RAB3GAP1: variants seen among roughly 807,000 people sequenced by gnomAD.
RAB3GAP1 encodes rab3 GTPase-activating protein catalytic subunit.
RAB3GAP1 carries 86 observed loss-of-function variants against 130.7 expected under a neutral mutation model. The observed-to-expected ratio is 0.66, with a 90% CI of 0.55 to 0.79. The LOEUF (loss-of-function observed/expected upper bound fraction) is 0.79. Among genes scored for constraint, RAB3GAP1 ranks in the 30% least tolerant of loss-of-function variants. RAB3GAP1 has a pLI of 0.00. For synonymous variants in RAB3GAP1, 367 were observed against 401.7 expected (o/e 0.91, Z 1.03); for missense variants, 1,029 against 1,169.4 (o/e 0.88, Z 1.75).
chr2:135,079,989 C>T (rs1574089965), intron 3 of RAB3GAP1, among the ~76,000 whole-genome samples: 3 of 151,728 alleles, frequency 2.0e-5, no homozygotes, highest in East Asian at 1.9e-4. Context: ...CAGTGGCGGG[C>T]GCCTGTAGTC....
rs769599113 is a variant in RAB3GAP1 at position 135,153,682 on chromosome 2, G to A, written c.2095G>A (p.Val699Met). 6.2e-7 allele frequency: 1 copy of A among 1,613,954 alleles called. No individual in the cohort carries two copies. The highest frequency in any genetic ancestry group is 8.5e-7 in the Non-Finnish European group (1 of 1,179,918). Residue 699 changes from valine (V) to methionine (M), a missense_variant, in exon 19 of 24, where the codon GTG becomes ATG. Physicochemically the swap from Val to Met is conservative, Grantham distance 21 (BLOSUM62 1). Transcript: ENST00000264158. Reference sequence around the variant, plus strand: ...TCCAGGTTGCTCCCTGGAAGATTTTGTGAGGTGGTATTCACCCCGGGATTA... The same window carrying A: ...TCCAGGTTGCTCCCTGGAAGATTTTATGAGGTGGTATTCACCCCGGGATTA... ...ANPGCSLEDF[V>M]RWYSPRDYIE...
intron 13 of RAB3GAP1, 30 bp downstream of exon 13, chr2:135,130,751 A>G (rs747121569): frequency 3.2e-6 from 5 of 1,576,318 alleles, no homozygotes; most frequent in Non-Finnish European, 3.5e-6. Flanking sequence ...TTATAGGTCT[A>G]TATGCAGAAT....
chr2:135,165,918 G>A (rs528032686), intron 23 of RAB3GAP1, among the ~76,000 whole-genome samples: 250 of 152,204 alleles, frequency 1.6e-3, no homozygotes, highest in African/African-American at 5.9e-3. Context: ...GGTGGCTCAC[G>A]CCTGTAACTT....
At chr2:135,097,280 A>C (rs896147417) in intron 5 of RAB3GAP1, among the ~76,000 whole-genome samples, 9 of 151,368 alleles carry the variant, frequency 5.9e-5, no homozygotes, top group African/African-American at 2.2e-4. Context: ...ACATTGATGC[A>C]ATCATGGGTA....
At chr2:135,116,526 A>ACT (rs1462984252) in intron 7 of RAB3GAP1, among the ~76,000 whole-genome samples, 41 of 152,304 alleles carry the variant, frequency 2.7e-4, no homozygotes, top group Middle Eastern at 3.4e-3. Flanking sequence ...TCTTGATTGG[A>ACT]TCCTTTTTCA....
At chr2:135,127,105 G>C (rs895272023) in intron 11 of RAB3GAP1, among the ~76,000 whole-genome samples, 10 of 151,526 alleles carry the variant, frequency 6.6e-5, no homozygotes, top group Non-Finnish European at 1.0e-4. Flanking sequence ...TTGATCTCCT[G>C]ACCTCGTGAT....
chr2:135,138,565 G>A (rs1319339983), intron 17 of RAB3GAP1, among the ~76,000 whole-genome samples: 1 of 151,372 alleles, frequency 6.6e-6, no homozygotes, highest in African/African-American at 2.4e-5. Context: ...CTGCATTGAT[G>A]TATAATACAT....
Position 135,162,629 on chromosome 2 carries a change from T to C in RAB3GAP1, c.2364T>C (p.Ala788=). Residue 788 remains alanine (A), a synonymous_variant, in exon 20 of 24, where the codon GCT becomes GCC. Coordinates refer to ENST00000264158, the MANE Select transcript of RAB3GAP1 (RefSeq NM_012233.3). ...RHLLPCVIHA[A]VLKVKEEESL... is the part of the protein sequence containing the mutation. The stretch of plus-strand genomic sequence containing the variant: ...TGTTACCTTGTGTGATTCATGCAGC[T>C]GTACTCAAGGTAAAGGAAGAAGGTA... 1 of 1,614,096 alleles carries C rather than the reference T, an allele frequency of 6.2e-7. No individual in the cohort carries two copies. Among genetic ancestry groups the C allele is most frequent in the African/African-American group, 1.3e-5 (1 of 75,080 alleles).
intron 17 of RAB3GAP1, among the ~76,000 whole-genome samples, chr2:135,143,109 A>C (rs1402868252): frequency 6.6e-6 from 1 of 152,024 alleles, no homozygotes; most frequent in Non-Finnish European, 1.5e-5. Context: ...TTACTTTTAA[A>C]TTAGATTTCT....
chr2:135,086,037 T>G (rs925394867), intron 3 of RAB3GAP1, among the ~76,000 whole-genome samples: 1 of 152,194 alleles, frequency 6.6e-6, no homozygotes, highest in African/African-American at 2.4e-5. Context: ...CGTATCTAAC[T>G]TTTTTGCTGA....
chr2:135,146,711 GCATT>G (rs1692003971), intron 17 of RAB3GAP1, among the ~76,000 whole-genome samples: 1 of 151,958 alleles, frequency 6.6e-6, no homozygotes, highest in African/African-American at 2.4e-5. Flanking sequence ...ATTAATTTGC[GCATT>G]CTAGAATTTT....
chr2:135,144,978 G>A (rs1200311500), intron 17 of RAB3GAP1, among the ~76,000 whole-genome samples: 2 of 152,166 alleles, frequency 1.3e-5, no homozygotes, highest in East Asian at 1.9e-4. Context: ...TTTAGAAAAT[G>A]TGCTATTGTA....
chr2:135,153,802 GC>G lies in RAB3GAP1; in HGVS notation c.2217del (p.Trp740GlyfsTer45), dbSNP rs1465899636. On this transcript the variant is annotated frameshift_variant, in exon 19 of 24. Transcript: ENST00000264158. LOFTEE classifies it high-confidence loss of function. ...MKIPSNMWVEAWETAKPIPAR... is the reference protein window; with the variant it reads ...MKIPSNMWVEXWETAKPIPAR... ...GATTCCAAGCAATATGTGGGTAGAA[GC>G]CTGGGAAACAGCTAAGCCAATTCCT... The G allele has an allele frequency of 1.9e-6, 3 of 1,614,058 alleles. No homozygotes were observed. Among genetic ancestry groups the G allele is most frequent in the Non-Finnish European group, 1.7e-6 (2 of 1,179,938 alleles).
At position 135,164,710 on chromosome 2, in the gene RAB3GAP1, A is replaced by G. The variant is rs768412658; in HGVS notation, c.2709+14A>G. 2 of 1,570,336 alleles carry G rather than the reference A, an allele frequency of 1.3e-6. No homozygotes were observed. The highest frequency in any genetic ancestry group is 2.2e-5 in the South Asian group (2 of 89,380). The stretch of plus-strand genomic sequence containing the variant: ...AATGCCCAGAGGGTATGTGAGAGTC[A>G]TTATTGACTCCATCATAATCTCTCC... On this transcript the variant is annotated intron_variant, in intron 23 of 23. Transcript: ENST00000264158.
intron 7 of RAB3GAP1, 74 bp downstream of exon 7, chr2:135,115,455 A>G (rs929764437): frequency 7.1e-6 from 10 of 1,416,132 alleles, no homozygotes; most frequent in African/African-American, 2.8e-5. Context: ...TTTATTCAGC[A>G]TATAGAAACA....
chr2:135,107,870 G>T (rs2104904011), intron 5 of RAB3GAP1, among the ~76,000 whole-genome samples: 1 of 151,286 alleles, frequency 6.6e-6, no homozygotes, highest in African/African-American at 2.4e-5. Flanking sequence ...AGCTACTCAG[G>T]AGGCTGAGAC....
chr2:135,066,025 A>G (rs774026172), intron 3 of RAB3GAP1, among the ~76,000 whole-genome samples: 14 of 152,000 alleles, frequency 9.2e-5, no homozygotes, highest in Non-Finnish European at 7.4e-5. Flanking sequence ...TGCCTGCCTC[A>G]GTCTCCCAAA....
At chr2:135,173,731 G>C (rs1692927143), downstream of RAB3GAP1, among the ~76,000 whole-genome samples, 2 of 152,258 alleles carry the variant, frequency 1.3e-5, no homozygotes, top group South Asian at 4.2e-4. Context: ...TGGAAGGGGA[G>C]AAGGTCATGA....
At chr2:135,063,315 T>G (rs2104829695) in intron 3 of RAB3GAP1, among the ~76,000 whole-genome samples, 1 of 152,344 alleles carries the variant, frequency 6.6e-6, no homozygotes, top group African/African-American at 2.4e-5. Flanking sequence ...ATTAAAAATT[T>G]TTTTGTTGTA....
Sources: allele counts gnomAD v4.1 joint callset (sites outside exome capture counted in the v4.1 genomes callset), GRCh38; gene constraint gnomAD v4.1.1; transcripts MANE v1.5; gene names NCBI Gene and HGNC (gene_info 2026-07-23, HGNC 2026-07-21).